CACNB2: variants seen among roughly 807,000 people sequenced by gnomAD.
CACNB2 encodes the protein calcium voltage-gated channel auxiliary subunit beta 2.
CACNB2 carries 42 observed loss-of-function variants against 73.3 expected under a neutral mutation model. The ratio of observed to expected loss-of-function variants is 0.57; its 90% CI spans 0.45 to 0.74. CACNB2 has a LOEUF of 0.74. Among genes scored for constraint, CACNB2 ranks in the 30% least tolerant of loss-of-function variants. CACNB2 has a pLI of 0.00. For synonymous variants in CACNB2, 348 were observed against 310.3 expected (o/e 1.12, Z -1.28); for missense variants, 940 against 853.0 (o/e 1.10, Z -1.27).
intron 2 of CACNB2, among the ~76,000 whole-genome samples, chr10:18,224,704 A>G (rs2035922695): frequency 6.6e-6 from 1 of 152,210 alleles, no homozygotes; most frequent in Non-Finnish European, 1.5e-5. Context: ...AACCATGACC[A>G]GCCCAGCGTT....
intron 2 of CACNB2, among the ~76,000 whole-genome samples, chr10:18,195,506 T>G (rs577867184): frequency 6.6e-6 from 1 of 152,302 alleles, no homozygotes; most frequent in Middle Eastern, 3.4e-3. Flanking sequence ...GGTTACAGAT[T>G]GTGTCTCAGC....
intron 2 of CACNB2, among the ~76,000 whole-genome samples, chr10:18,195,987 A>G (rs1035045010): frequency 1.2e-4 from 19 of 152,234 alleles, no homozygotes; most frequent in Non-Finnish European, 2.1e-4. Flanking sequence ...CTCTCTGTGA[A>G]TCTCAGCAGC....
intron 9 of CACNB2, among the ~76,000 whole-genome samples, chr10:18,522,552 G>A (rs1191589592): frequency 1.3e-5 from 2 of 152,124 alleles, no homozygotes; most frequent in Admixed American, 6.6e-5. Context: ...AGGGTAGGAA[G>A]GAAAGTTTTA....
chr10:18,309,609 C>T (rs2039881547), intron 2 of CACNB2, among the ~76,000 whole-genome samples: 1 of 152,136 alleles, frequency 6.6e-6, no homozygotes, highest in Non-Finnish European at 1.5e-5. Context: ...AGTCCCGCGC[C>T]ACCATGCCCA....
At chr10:18,191,431 GT>G (rs201988001) in intron 2 of CACNB2, among the ~76,000 whole-genome samples, 16 of 151,552 alleles carry the variant, frequency 1.1e-4, no homozygotes, top group South Asian at 4.2e-4. Context: ...TGTACATCTA[GT>G]TTTTTTTTCT....
intron 3 of CACNB2, among the ~76,000 whole-genome samples, chr10:18,457,882 C>T (rs1376612247): frequency 6.6e-6 from 1 of 151,258 alleles, no homozygotes; most frequent in African/African-American, 2.4e-5. Context: ...AAGAGCAAAA[C>T]TCCATCTCAA....
chr10:18,459,997 CAAAAG>C (rs1325622568), intron 3 of CACNB2, among the ~76,000 whole-genome samples: 3 of 152,036 alleles, frequency 2.0e-5, no homozygotes, highest in East Asian at 1.9e-4. Flanking sequence ...GACTCCATCT[CAAAAG>C]AAAAGGAAAA....
chr10:18,339,255 T>C (rs997116297), intron 2 of CACNB2, among the ~76,000 whole-genome samples: 1 of 152,142 alleles, frequency 6.6e-6, no homozygotes, highest in Non-Finnish European at 1.5e-5. Flanking sequence ...GCACAGTGGC[T>C]CATGCATGTA....
At chr10:18,144,706 T>A (rs76129954) in intron 1 of CACNB2, among the ~76,000 whole-genome samples, 1 of 152,154 alleles carries the variant, frequency 6.6e-6, no homozygotes, top group East Asian at 1.9e-4. Context: ...ATATAACACA[T>A]CTTCATTAGT....
chr10:18,434,061 G>A (rs553909405), intron 3 of CACNB2, among the ~76,000 whole-genome samples: 1 of 152,196 alleles, frequency 6.6e-6, no homozygotes, highest in East Asian at 1.9e-4. Context: ...CATATGGCAT[G>A]TTTTATACAG....
intron 3 of CACNB2, among the ~76,000 whole-genome samples, chr10:18,425,917 A>G (rs2045575662): frequency 6.6e-6 from 1 of 152,172 alleles, no homozygotes; most frequent in African/African-American, 2.4e-5. Context: ...CTGCTCAGTC[A>G]TAAACCAATT....
intron 3 of CACNB2, among the ~76,000 whole-genome samples, chr10:18,405,394 T>G (rs1009211797): frequency 1.3e-5 from 2 of 152,224 alleles, no homozygotes; most frequent in Non-Finnish European, 2.9e-5. Flanking sequence ...TGGCTACTTT[T>G]GGACATCTGG....
intron 2 of CACNB2, among the ~76,000 whole-genome samples, chr10:18,309,055 G>A (rs1237622917): frequency 2.0e-5 from 3 of 151,528 alleles, no homozygotes; most frequent in Non-Finnish European, 2.9e-5. Context: ...TTCTCCCCTC[G>A]TCGTTACCAA....
intron 2 of CACNB2, among the ~76,000 whole-genome samples, chr10:18,174,396 C>T (rs1231792069): frequency 9.2e-6 from 1 of 108,222 alleles, no homozygotes; most frequent in Non-Finnish European, 2.0e-5. Flanking sequence ...TTCTTTCTTT[C>T]TCTCTTTCTT....
chr10:18,229,398 AC>A (rs925360445), intron 2 of CACNB2, among the ~76,000 whole-genome samples: 3 of 152,184 alleles, frequency 2.0e-5, no homozygotes, highest in African/African-American at 7.2e-5. Flanking sequence ...GTCTTATTAG[AC>A]CACAGATATG....
rs1261293636 is a variant in CACNB2, at chr10:18,442,996, ATG to A, written c.333+40957_333+40958del. The stretch of plus-strand genomic sequence containing the variant: ...TGTATATATATATATGTATATATAT[ATG>A]TGTATATATATATATGTATATATAT... On this transcript the variant is annotated intron_variant, in intron 3 of 13. Coordinates refer to ENST00000324631, the MANE Select transcript of CACNB2 (RefSeq NM_201596.3). 8.1e-3 allele frequency among the ~76,000 whole-genome samples: 133 copies of A among 16,460 alleles called. 15 individuals carry two copies. Among genetic ancestry groups the A allele is most frequent in the Middle Eastern group, 0.048 (2 of 42 alleles). 10.8% of individuals were successfully genotyped at this position (16,460 alleles called of 152,430 possible).
At chr10:18,322,878 T>G (rs1010892589) in intron 2 of CACNB2, among the ~76,000 whole-genome samples, 4 of 149,376 alleles carry the variant, frequency 2.7e-5, no homozygotes, top group Non-Finnish European at 6.0e-5. Context: ...TATTTTTAAT[T>G]TTTTTTTTTT....
At chr10:18,527,331 G>A (rs551986534) in intron 9 of CACNB2, among the ~76,000 whole-genome samples, 7 of 151,848 alleles carry the variant, frequency 4.6e-5, no homozygotes, top group South Asian at 2.1e-4. Context: ...AGCCGAGAAC[G>A]CACCACTGCA....
intron 3 of CACNB2, among the ~76,000 whole-genome samples, chr10:18,427,690 C>G (rs2045676224): frequency 6.6e-6 from 1 of 152,130 alleles, no homozygotes; most frequent in Non-Finnish European, 1.5e-5. Flanking sequence ...ACTCTCTTCT[C>G]ATGCCAGTTT....
Sources: gnomAD v4.1 joint callset for allele counts (sites outside exome capture counted in the v4.1 genomes callset) on GRCh38, gnomAD v4.1.1 for gene constraint, MANE v1.5 for transcripts, NCBI Gene and HGNC (gene_info 2026-07-23, HGNC 2026-07-21) for gene names.